The following AGO3 variants were observed in gnomAD, a reference collection of about 807,000 sequenced individuals.
AGO3 encodes protein argonaute-3.
In AGO3, 16 loss-of-function variants were observed where a neutral mutation model predicts 105.5. The observed-to-expected ratio is 0.15, with a 90% CI of 0.10 to 0.23. The LOEUF is 0.23. Ranked by LOEUF, AGO3 falls within the 10% of genes least tolerant of loss-of-function variation. The pLI, the probability that AGO3 is intolerant of heterozygous loss-of-function variation, is 1.00. For synonymous variants in AGO3, 340 were observed against 367.3 expected (o/e 0.93, Z 0.85); for missense variants, 534 against 1,088.0 (o/e 0.49, Z 7.16).
In AGO3 at chr1:36,036,370, A is replaced by G. The variant is rs531643829; in HGVS notation, c.1842+103A>G. The G allele has an allele frequency of 2.0e-4, 229 of 1,122,772 alleles. 1 individual carries two copies. Among genetic ancestry groups the G allele is most frequent in the Non-Finnish European group, 2.6e-4 (197 of 759,332 alleles). 69.6% of individuals were successfully genotyped at this position (1,122,772 alleles called of 1,614,324 possible). On this transcript the variant is annotated intron_variant, in intron 14 of 18. Transcript: ENST00000373191. ...AATATTTTCTTTGTAGCCAACTTTC[A>G]TAAATGTTCTTTGGGTTTTTGAAAA...
chr1:35,936,395 G>A (rs1272714065), intron 1 of AGO3, among the ~76,000 whole-genome samples: 1 of 152,174 alleles, frequency 6.6e-6, no homozygotes, highest in African/African-American at 2.4e-5. Context: ...GTCAGTTTAA[G>A]GAAATGAAGA....
At chr1:36,003,141 A>ATT (rs201615643) in intron 5 of AGO3, among the ~76,000 whole-genome samples, 2,017 of 146,754 alleles carry the variant, frequency 0.014, 33 homozygotes, top group African/African-American at 0.045. Context: ...GACAGTGGGC[A>ATT]TTTTTTTTTT....
At chr1:35,960,715 G>A (rs1441135664) in intron 2 of AGO3, among the ~76,000 whole-genome samples, 2 of 151,704 alleles carry the variant, frequency 1.3e-5, no homozygotes, top group Non-Finnish European at 2.9e-5. Context: ...ATAACTCTTG[G>A]CCCTCATGAA....
At chr1:36,025,271 A>G (rs1641449096) in intron 11 of AGO3, among the ~76,000 whole-genome samples, 1 of 152,030 alleles carries the variant, frequency 6.6e-6, no homozygotes, top group South Asian at 2.1e-4. Context: ...ATTAATCCCA[A>G]ATCTCTAAAT....
intron 5 of AGO3, among the ~76,000 whole-genome samples, chr1:35,994,244 C>T (rs770953666): frequency 3.3e-5 from 5 of 151,692 alleles, no homozygotes; most frequent in African/African-American, 7.3e-5. Context: ...CCACCATGCC[C>T]GGCCCCAGTT....
intron 5 of AGO3, 118 bp downstream of exon 5, chr1:35,973,629 TATG>T: frequency 8.8e-7 from 1 of 1,130,014 alleles, no homozygotes; most frequent in Non-Finnish European, 1.2e-6. Flanking sequence ...GGACATGTAT[TATG>T]ATCTACTGGA....
rs1399718489 is a variant in AGO3, at chr1:36,058,658, C to T, written c.*2913C>T. 1 of 152,170 alleles carries T rather than the reference C, an allele frequency of 6.6e-6. No homozygotes were observed. Among genetic ancestry groups the T allele is most frequent in the African/African-American group, 2.4e-5 (1 of 41,446 alleles). The allele number at this position is 152,170 out of a possible 1,614,324, so 9.4% of individuals were successfully genotyped here. On this transcript the variant is annotated 3_prime_UTR_variant, in exon 19 of 19. Coordinates refer to ENST00000373191, the MANE Select transcript of AGO3 (RefSeq NM_024852.4). Reference sequence around the variant, plus strand: ...GACAGGCATGAAATCTTTTGTCCCTCTGCCAGAAAACTAAGAAAGTACTGT... The same window carrying T: ...GACAGGCATGAAATCTTTTGTCCCTTTGCCAGAAAACTAAGAAAGTACTGT...
chr1:35,956,710 G>A (rs969531746), intron 2 of AGO3, among the ~76,000 whole-genome samples: 2 of 150,416 alleles, frequency 1.3e-5, no homozygotes, highest in African/African-American at 2.4e-5. Flanking sequence ...ACATGATCAC[G>A]TGATCTTGGC....
chr1:36,025,767 GTGGCTCA>G (rs1641472259), intron 11 of AGO3, among the ~76,000 whole-genome samples: 1 of 152,212 alleles, frequency 6.6e-6, no homozygotes, highest in Admixed American at 6.5e-5. Context: ...GCCGGGAGCA[GTGGCTCA>G]TGCCTGTAAT....
intron 6 of AGO3, among the ~76,000 whole-genome samples, chr1:36,005,301 C>G (rs1640284858): frequency 6.6e-6 from 1 of 152,176 alleles, no homozygotes; most frequent in Non-Finnish European, 1.5e-5. Context: ...CACTGAACAT[C>G]TTTCAGTTCC....
rs1467003259 is a variant in AGO3, at chr1:36,070,268, A to G, written c.*14523A>G. 1 of 152,228 alleles carries G rather than the reference A, an allele frequency of 6.6e-6. No homozygotes were observed. Among genetic ancestry groups the G allele is most frequent in the Non-Finnish European group, 1.5e-5 (1 of 68,044 alleles). 9.4% of individuals were successfully genotyped at this position (152,228 alleles called of 1,614,324 possible). The stretch of plus-strand genomic sequence containing the variant: ...GTGCTTATTTCACTCATGTCTTTGC[A>G]GAATTTAACTTTGCTTTACTTTAAA... On this transcript the variant is annotated 3_prime_UTR_variant, in exon 19 of 19. Transcript: ENST00000373191.
intron 1 of AGO3, among the ~76,000 whole-genome samples, chr1:35,940,499 T>C (rs1646234467): frequency 6.6e-6 from 1 of 152,220 alleles, no homozygotes; most frequent in Non-Finnish European, 1.5e-5. Context: ...CTGTTTGTCC[T>C]TTTAGAATTT....
At chr1:35,955,699 A>C (rs371825644) in intron 2 of AGO3, among the ~76,000 whole-genome samples, 1 of 151,850 alleles carries the variant, frequency 6.6e-6, no homozygotes, top group Admixed American at 6.6e-5. Context: ...GGCCCGAGCA[A>C]TCCTCCCACC....
chr1:36,009,093 T>TTTTTTTTTTTTTTTTTTGA, intron 8 of AGO3, 49 bp downstream of exon 8: 1 of 1,473,348 alleles, frequency 6.8e-7, no homozygotes, highest in South Asian at 1.4e-5. Flanking sequence ...ATGATTCTTT[T>TTTTTTTTTTTTTTTTTTGA]GGGGTCTTTT....
intron 12 of AGO3, among the ~76,000 whole-genome samples, chr1:36,028,391 T>TCCCCCCCCCCCCCCCC (rs771926822): frequency 2.8e-4 from 16 of 57,166 alleles, no homozygotes; most frequent in Admixed American, 4.4e-4. Flanking sequence ...ATGCTATCCC[T>TCCCCCCCCCCCCCCCC]CCCCCCCCCC....
intron 17 of AGO3, among the ~76,000 whole-genome samples, chr1:36,054,473 A>G (rs747410255): frequency 4.6e-5 from 7 of 151,796 alleles, no homozygotes; most frequent in Admixed American, 1.3e-4. Flanking sequence ...ATGGAGCCTC[A>G]CTGTGTTGTG....
intron 2 of AGO3, among the ~76,000 whole-genome samples, chr1:35,964,145 ATATATG>A (rs1646730941): frequency 1.3e-5 from 2 of 152,146 alleles, no homozygotes; most frequent in African/African-American, 4.8e-5. Context: ...ATATGAACAT[ATATATG>A]TATTTAAGTT....
chr1:36,030,592 TA>T (rs1641729876), intron 12 of AGO3, among the ~76,000 whole-genome samples: 1 of 152,166 alleles, frequency 6.6e-6, no homozygotes, highest in Non-Finnish European at 1.5e-5. Context: ...ATTTAAATAT[TA>T]TAATACCTAG....
At chr1:35,935,458 A>G (rs964530502) in intron 1 of AGO3, among the ~76,000 whole-genome samples, 6 of 152,268 alleles carry the variant, frequency 3.9e-5, no homozygotes, top group African/African-American at 1.2e-4. Context: ...ATTAGAATGA[A>G]TGAAAAGATA....
Sources: gnomAD v4.1 joint callset for allele counts (sites outside exome capture counted in the v4.1 genomes callset) on GRCh38, gnomAD v4.1.1 for gene constraint, MANE v1.5 for transcripts, NCBI Gene and HGNC (gene_info 2026-07-23, HGNC 2026-07-21) for gene names.